FGF14: variants seen among roughly 807,000 people sequenced by gnomAD.
FGF14 encodes fibroblast growth factor 14.
In FGF14, 5 loss-of-function variants were observed where a neutral mutation model predicts 25.5. The observed-to-expected ratio is 0.20, with a 90% CI of 0.10 to 0.41. The LOEUF (loss-of-function observed/expected upper bound fraction) is 0.41. Ranked by LOEUF, FGF14 falls within the 10% of genes least tolerant of loss-of-function variation. The pLI, the probability that FGF14 is intolerant of heterozygous loss-of-function variation, is 1.00. For synonymous variants in FGF14, 138 were observed against 118.3 expected (o/e 1.17, Z -1.08); for missense variants, 222 against 320.1 (o/e 0.69, Z 2.34).
intron 1 of FGF14, among the ~76,000 whole-genome samples, chr13:102,153,014 T>TGGAGCTGCTG (rs1439362307): frequency 6.6e-6 from 1 of 152,158 alleles, no homozygotes; most frequent in Non-Finnish European, 1.5e-5. Flanking sequence ...ACAGCTTGGG[T>TGGAGCTGCTG]GGAGCTGCTG....
At chr13:102,144,749 AG>A (rs1458174780) in intron 1 of FGF14, among the ~76,000 whole-genome samples, 1 of 152,174 alleles carries the variant, frequency 6.6e-6, no homozygotes, top group Non-Finnish European at 1.5e-5. Flanking sequence ...CCAGAGTCCA[AG>A]AGAAGACTGA....
intron 1 of FGF14, among the ~76,000 whole-genome samples, chr13:101,927,742 T>C (rs2034464515): frequency 6.6e-6 from 1 of 152,084 alleles, no homozygotes; most frequent in African/African-American, 2.4e-5. Context: ...CTTCCCTGCC[T>C]CTCCGGGGAT....
intron 1 of FGF14, among the ~76,000 whole-genome samples, chr13:102,285,380 G>T (rs2054043935): frequency 6.6e-6 from 1 of 152,214 alleles, no homozygotes; most frequent in Admixed American, 6.5e-5. Context: ...TTCTTGGAAT[G>T]GTTTACATCC....
At position 101,772,925 on chromosome 13, in the gene FGF14, A is replaced by G. The variant is rs150791062; in HGVS notation, c.409-46115T>C. On this transcript the variant is annotated intron_variant, in intron 3 of 4. Coordinates refer to ENST00000376143, the MANE Select transcript of FGF14 (RefSeq NM_004115.4). ...AATCATTTATTTGGCTTAGTTATTTATAATCAATTTACTCTGTTGATTTCT... is the reference window on the plus strand; with the variant it reads ...AATCATTTATTTGGCTTAGTTATTTGTAATCAATTTACTCTGTTGATTTCT... Among the ~76,000 whole-genome samples the G allele has an allele frequency of 5.7e-3, 871 of 152,268 alleles. 9 individuals carry two copies. The highest frequency in any genetic ancestry group is 0.019 in the African/African-American group (806 of 41,572).
chr13:102,309,720 T>C (rs888729250), intron 1 of FGF14, among the ~76,000 whole-genome samples: 5 of 152,246 alleles, frequency 3.3e-5, no homozygotes, highest in African/African-American at 4.8e-5. Flanking sequence ...AGCAGCCACA[T>C]ATTTATCCAT....
At chr13:101,815,918 T>C (rs563007272) in intron 3 of FGF14, among the ~76,000 whole-genome samples, 125 of 152,232 alleles carry the variant, frequency 8.2e-4, no homozygotes, top group African/African-American at 2.8e-3. Context: ...GGGAATTTCA[T>C]CTGAATTAAC....
At chr13:101,767,050 T>G (rs1401702803) in intron 3 of FGF14, among the ~76,000 whole-genome samples, 1 of 152,206 alleles carries the variant, frequency 6.6e-6, no homozygotes, top group Non-Finnish European at 1.5e-5. Flanking sequence ...TCTCAATTTA[T>G]ATTGACAAGA....
intron 1 of FGF14, among the ~76,000 whole-genome samples, chr13:102,238,006 C>A (rs537870991): frequency 2.0e-5 from 3 of 152,260 alleles, no homozygotes; most frequent in African/African-American, 7.2e-5. Flanking sequence ...GCTATTTATA[C>A]TCCCCTAAAT....
At chr13:101,788,629 G>A (rs1001948514) in intron 3 of FGF14, among the ~76,000 whole-genome samples, 1 of 151,742 alleles carries the variant, frequency 6.6e-6, no homozygotes, top group African/African-American at 2.4e-5. Context: ...ATGTGATCAA[G>A]TTCAAAACTA....
At chr13:101,900,140 G>C (rs1170660382) in intron 1 of FGF14, among the ~76,000 whole-genome samples, 1 of 152,032 alleles carries the variant, frequency 6.6e-6, no homozygotes, top group African/African-American at 2.4e-5. Flanking sequence ...ATTTTACTAA[G>C]TGAAAATTAA....
intron 3 of FGF14, among the ~76,000 whole-genome samples, chr13:101,853,652 C>G (rs111674816): frequency 1.9e-3 from 291 of 152,008 alleles, no homozygotes; most frequent in Non-Finnish European, 3.1e-3. Flanking sequence ...GACAGGGTCT[C>G]ACTATATTGC....
intron 1 of FGF14, among the ~76,000 whole-genome samples, chr13:102,303,054 C>A (rs193189977): frequency 6.6e-6 from 1 of 152,302 alleles, no homozygotes; most frequent in Non-Finnish European, 1.5e-5. Context: ...CTGACATCAT[C>A]TCCTACCACT....
Position 101,871,600 on chromosome 13 carries a change from T to A in FGF14, c.305-2772A>T, listed in dbSNP as rs1017413182. 6.9e-4 allele frequency among the ~76,000 whole-genome samples: 105 copies of A among 151,960 alleles called. 1 individual carries two copies. Among genetic ancestry groups the A allele is most frequent in the African/African-American group, 2.5e-3 (102 of 41,394 alleles). On this transcript the variant is annotated intron_variant, in intron 2 of 4. Coordinates refer to ENST00000376143, the MANE Select transcript of FGF14 (RefSeq NM_004115.4). ...TAGTGTATTGATATCTGTAGAGTCCTATTCTGCTTGTAGTAGCTATTGTCT... is the reference window on the plus strand; with the variant it reads ...TAGTGTATTGATATCTGTAGAGTCCAATTCTGCTTGTAGTAGCTATTGTCT...
chr13:102,069,435 G>A (rs1335292775), intron 1 of FGF14, among the ~76,000 whole-genome samples: 1 of 152,152 alleles, frequency 6.6e-6, no homozygotes, highest in Non-Finnish European at 1.5e-5. Context: ...ACCCGCTCGG[G>A]TCCCCTTCCA....
At chr13:101,954,930 A>C (rs2036420881) in intron 1 of FGF14, among the ~76,000 whole-genome samples, 1 of 152,240 alleles carries the variant, frequency 6.6e-6, no homozygotes, top group South Asian at 2.1e-4. Flanking sequence ...TATGGTCTCT[A>C]TGGACTAATA....
chr13:101,910,276 A>T, intron 1 of FGF14, among the ~76,000 whole-genome samples: 1 of 152,030 alleles, frequency 6.6e-6, no homozygotes, highest in East Asian at 1.9e-4. Context: ...AATCAGACCA[A>T]AATAATAATA....
At chr13:101,824,327 G>C (rs1469331623) in intron 3 of FGF14, among the ~76,000 whole-genome samples, 1 of 152,088 alleles carries the variant, frequency 6.6e-6, no homozygotes. Flanking sequence ...TTTACTTTGT[G>C]TGTGTGCGCG....
chr13:102,166,650 C>T (rs531518061), intron 1 of FGF14, among the ~76,000 whole-genome samples: 1 of 152,224 alleles, frequency 6.6e-6, no homozygotes, highest in African/African-American at 2.4e-5. Flanking sequence ...GCCGTGCTGT[C>T]CCTTACAGGG....
At chr13:101,849,321 A>G (rs975623446) in intron 3 of FGF14, among the ~76,000 whole-genome samples, 3 of 152,084 alleles carry the variant, frequency 2.0e-5, no homozygotes, top group Non-Finnish European at 2.9e-5. Context: ...ACAAATAACA[A>G]AATCAGGAGG....
Sources: gnomAD v4.1 joint callset for allele counts (sites outside exome capture counted in the v4.1 genomes callset) on GRCh38, gnomAD v4.1.1 for gene constraint, MANE v1.5 for transcripts, NCBI Gene and HGNC (gene_info 2026-07-23, HGNC 2026-07-21) for gene names.